RB1: variants seen among roughly 807,000 people sequenced by gnomAD.
RB1 encodes RB transcriptional corepressor 1, also known as retinoblastoma-associated protein.
Under a neutral mutation model 135.4 loss-of-function variants are expected in RB1, and 18 were observed. The ratio of observed to expected loss-of-function variants is 0.13; its 90% CI spans 0.09 to 0.20. RB1 has a LOEUF of 0.20. RB1 is among the 10% of genes least tolerant of loss of function. RB1 has a pLI of 1.00. For missense variants in RB1, 868 were observed against 1,110.0 expected (o/e 0.78, Z 3.10); for synonymous variants, 365 against 373.2 (o/e 0.98, Z 0.25).
chr13:48,432,805 A>G (rs1271302520), intron 17 of RB1, among the ~76,000 whole-genome samples: 2 of 152,150 alleles, frequency 1.3e-5, no homozygotes, highest in African/African-American at 4.8e-5. Context: ...TAGGAGAGAT[A>G]TTACTATTAA....
intron 17 of RB1, among the ~76,000 whole-genome samples, chr13:48,414,950 C>G (rs12430215): frequency 0.56 from 85,383 of 151,820 alleles, 28,746 homozygotes; most frequent in Non-Finnish European, 0.73. Flanking sequence ...AGCTTGTATT[C>G]TCATTGGAAA....
chr13:48,453,146 C>T (rs1949339415), intron 18 of RB1, 35 bp downstream of exon 18: 1 of 1,575,108 alleles, frequency 6.3e-7, no homozygotes, highest in South Asian at 1.1e-5. Context: ...ACCATTCAAA[C>T]TGCAAATAGA....
chr13:48,316,607 A>G (rs1231208295), intron 2 of RB1, among the ~76,000 whole-genome samples: 1 of 152,124 alleles, frequency 6.6e-6, no homozygotes, highest in Non-Finnish European at 1.5e-5. Flanking sequence ...TACAGAAATC[A>G]TATTTACCAG....
intron 17 of RB1, chr13:48,412,230 A>G (rs1948825053): frequency 6.2e-7 from 1 of 1,614,098 alleles, no homozygotes; most frequent in Non-Finnish European, 8.5e-7. Context: ...AAAAACAAAA[A>G]GCAAGTCTGA....
intron 8 of RB1, among the ~76,000 whole-genome samples, chr13:48,363,871 A>G (rs1453417120): frequency 6.6e-6 from 1 of 152,172 alleles, no homozygotes; most frequent in African/African-American, 2.4e-5. Context: ...AGACTTTGGG[A>G]TATCTGGTAC....
At chr13:48,358,360 T>C (rs1290840787) in intron 6 of RB1, among the ~76,000 whole-genome samples, 1 of 152,152 alleles carries the variant, frequency 6.6e-6, no homozygotes, top group African/African-American at 2.4e-5. Flanking sequence ...CTGTTTTCTC[T>C]GATTTAATGT....
At chr13:48,437,984 A>G (rs1440243000) in intron 17 of RB1, among the ~76,000 whole-genome samples, 1 of 152,034 alleles carries the variant, frequency 6.6e-6, no homozygotes, top group Non-Finnish European at 1.5e-5. Context: ...AGTTAATTTG[A>G]CTCATGATAT....
At chr13:48,465,891 T>C (rs1019884181) in intron 23 of RB1, among the ~76,000 whole-genome samples, 3 of 149,046 alleles carry the variant, frequency 2.0e-5, no homozygotes, top group Admixed American at 2.0e-4. Flanking sequence ...ATCCCACACC[T>C]GGCTCAGAGG....
intron 6 of RB1, among the ~76,000 whole-genome samples, chr13:48,352,506 A>C (rs1429954263): frequency 6.6e-6 from 1 of 151,638 alleles, no homozygotes; most frequent in South Asian, 2.1e-4. Context: ...ATGTTTTTCC[A>C]TGTGTTTGTG....
intron 17 of RB1, among the ~76,000 whole-genome samples, chr13:48,432,229 A>G (rs749419252): frequency 4.6e-5 from 7 of 152,162 alleles, no homozygotes; most frequent in Non-Finnish European, 1.0e-4. Flanking sequence ...ACTGATCAAC[A>G]TCTTTAAAAG....
intron 17 of RB1, among the ~76,000 whole-genome samples, chr13:48,409,930 C>T (rs2138194692): frequency 6.6e-6 from 1 of 152,106 alleles, no homozygotes; most frequent in East Asian, 1.9e-4. Context: ...TTTTAGTGTA[C>T]TTGGTACTTT....
intron 11 of RB1, 148 bp downstream of exon 11, chr13:48,368,752 TC>T: frequency 8.0e-7 from 1 of 1,253,858 alleles, no homozygotes; most frequent in Non-Finnish European, 1.1e-6. Context: ...ACACCTGTAA[TC>T]CCAGCACTTT....
At chr13:48,435,877 CAAAT>C (rs1248507028) in intron 17 of RB1, among the ~76,000 whole-genome samples, 2 of 151,940 alleles carry the variant, frequency 1.3e-5, no homozygotes, top group Admixed American at 6.6e-5. Flanking sequence ...AAAGATGAGA[CAAAT>C]AGATGTAGAA....
At chr13:48,421,512 C>T (rs1341414077) in intron 17 of RB1, among the ~76,000 whole-genome samples, 1 of 152,110 alleles carries the variant, frequency 6.6e-6, no homozygotes, top group Non-Finnish European at 1.5e-5. Context: ...CCAAAATTGA[C>T]AAATGGGATC....
rs146447607 is a variant in RB1, at chr13:48,394,417, C to T, written c.1695+12974C>T. 6.5e-3 allele frequency among the ~76,000 whole-genome samples: 997 copies of T among 152,270 alleles called. 15 individuals carry two copies. The highest frequency in any genetic ancestry group is 0.023 in the African/African-American group (948 of 41,554). On this transcript the variant is annotated intron_variant, in intron 17 of 26. Coordinates refer to ENST00000267163, the MANE Select transcript of RB1 (RefSeq NM_000321.3). ...AGCGAGTTAGAACCATTCACTCCCC[C>T]GGAAAGGGGGCTGAAGCCAGGGAGC...
intron 17 of RB1, among the ~76,000 whole-genome samples, chr13:48,409,148 CTCTTTTTTT>C (rs1286174170): frequency 1.4e-5 from 2 of 143,294 alleles, no homozygotes; most frequent in African/African-American, 2.6e-5. Context: ...TTTTTCTTTT[CTCTTTTTTT>C]TTTTTTTTTG....
chr13:48,479,655 A>G (rs1323711136), intron 26 of RB1, among the ~76,000 whole-genome samples: 1 of 149,760 alleles, frequency 6.7e-6, no homozygotes, highest in Non-Finnish European at 1.5e-5. Context: ...TGGGGAGGGA[A>G]TTTTTTTTTT....
intron 9 of RB1, among the ~76,000 whole-genome samples, chr13:48,365,582 A>T (rs775119200): frequency 2.0e-5 from 3 of 152,172 alleles, no homozygotes; most frequent in Non-Finnish European, 4.4e-5. Flanking sequence ...GGAGAAAAGG[A>T]TGCTGTGATA....
chr13:48,320,621 A>T (rs1449302598), intron 2 of RB1: 22 of 351,576 alleles, frequency 6.3e-5, no homozygotes, highest in Non-Finnish European at 7.5e-5. Flanking sequence ...TCGCGAGGTC[A>T]GGAGTTTGAG....
Sources: allele counts gnomAD v4.1 joint callset (sites outside exome capture counted in the v4.1 genomes callset), GRCh38; gene constraint gnomAD v4.1.1; transcripts MANE v1.5; gene names NCBI Gene and HGNC (gene_info 2026-07-23, HGNC 2026-07-21).